ADGRB3: variants seen among roughly 807,000 people sequenced by gnomAD.
ADGRB3 encodes brain-specific angiogenesis inhibitor 3.
ADGRB3 carries 37 observed loss-of-function variants against 193.4 expected under a neutral mutation model. That is an observed-to-expected ratio of 0.19 (90% CI 0.15 to 0.25). ADGRB3 has a LOEUF of 0.25. ADGRB3 is among the 10% of genes least tolerant of loss of function. ADGRB3 has a pLI of 1.00. For synonymous variants in ADGRB3, 690 were observed against 644.2 expected (o/e 1.07, Z -1.08); for missense variants, 1,637 against 1,852.9 (o/e 0.88, Z 2.14).
At chr6:69,045,567 C>T (rs568853497) in intron 13 of ADGRB3, among the ~76,000 whole-genome samples, 12 of 152,050 alleles carry the variant, frequency 7.9e-5, no homozygotes, top group African/African-American at 2.6e-4. Context: ...GCTATTAGCT[C>T]AAATTAGCTA....
At chr6:69,288,938 C>T (rs1767609073) in intron 20 of ADGRB3, among the ~76,000 whole-genome samples, 1 of 152,130 alleles carries the variant, frequency 6.6e-6, no homozygotes, top group South Asian at 2.1e-4. Flanking sequence ...CTTCCTTTCC[C>T]ATGACATTCC....
chr6:69,120,284 G>A (rs1773647544), intron 17 of ADGRB3, among the ~76,000 whole-genome samples: 1 of 152,212 alleles, frequency 6.6e-6, no homozygotes, highest in East Asian at 1.9e-4. Flanking sequence ...CTGGCAACTT[G>A]TTAGAAATGC....
chr6:68,673,187 TA>T lies in ADGRB3; in HGVS notation c.757+33757del, dbSNP rs1389835858. Among the ~76,000 whole-genome samples the T allele has an allele frequency of 2.0e-5, 3 of 152,128 alleles. No individual in the cohort carries two copies. In the East Asian group the frequency reaches 5.8e-4, roughly 29 times the overall value. On this transcript the variant is annotated intron_variant, in intron 3 of 31. Coordinates refer to ENST00000370598, the MANE Select transcript of ADGRB3 (RefSeq NM_001704.3). ...GAATGGGTATAAAAATAACTGAAAA[TA>T]AGTAGAGATTCTTATCCTTGGTAGA...
At chr6:68,716,464 A>G (rs1765491451) in intron 3 of ADGRB3, among the ~76,000 whole-genome samples, 1 of 150,504 alleles carries the variant, frequency 6.6e-6, no homozygotes, top group Non-Finnish European at 1.5e-5. Context: ...TGTAATATAG[A>G]CTGTATTTTC....
chr6:69,137,070 T>C (rs1774172248), intron 17 of ADGRB3, among the ~76,000 whole-genome samples: 1 of 68,564 alleles, frequency 1.5e-5, no homozygotes, highest in African/African-American at 3.5e-5. Flanking sequence ...TTTTTTTTTT[T>C]TTTTTTAATG....
intron 17 of ADGRB3, among the ~76,000 whole-genome samples, chr6:69,115,324 T>C (rs35740189): frequency 0.029 from 4,358 of 152,144 alleles, 67 homozygotes; most frequent in Non-Finnish European, 0.032. Context: ...AAACCATCAT[T>C]CTCAGCAAAC....
chr6:69,211,071 G>A (rs1765653934), intron 17 of ADGRB3, among the ~76,000 whole-genome samples: 1 of 152,164 alleles, frequency 6.6e-6, no homozygotes, highest in Non-Finnish European at 1.5e-5. Context: ...GCAGTGAGCT[G>A]AGATCACGCC....
chr6:69,335,854 C>A (rs1019295168), intron 24 of ADGRB3, among the ~76,000 whole-genome samples: 5 of 152,020 alleles, frequency 3.3e-5, no homozygotes, highest in Non-Finnish European at 7.4e-5. Context: ...GATGTTCCTT[C>A]TCCCATTTTT....
chr6:69,373,601 A>T (rs1769751058), intron 30 of ADGRB3, among the ~76,000 whole-genome samples: 1 of 152,128 alleles, frequency 6.6e-6, no homozygotes, highest in Non-Finnish European at 1.5e-5. Flanking sequence ...GCATAAAAGT[A>T]TCAAGAATAT....
chr6:68,971,487 A>G (rs1768566588), intron 8 of ADGRB3, among the ~76,000 whole-genome samples: 3 of 152,218 alleles, frequency 2.0e-5, no homozygotes, highest in Non-Finnish European at 4.4e-5. Flanking sequence ...AAAAAAATCC[A>G]CATATAAGTG....
intron 5 of ADGRB3, among the ~76,000 whole-genome samples, chr6:68,942,089 T>C (rs1340229152): frequency 2.0e-5 from 3 of 151,976 alleles, no homozygotes; most frequent in Non-Finnish European, 4.4e-5. Flanking sequence ...GAGATTTACA[T>C]TGAATATTTC....
intron 8 of ADGRB3, among the ~76,000 whole-genome samples, chr6:68,961,820 C>T (rs180854001): frequency 1.5e-4 from 23 of 152,250 alleles, no homozygotes; most frequent in Admixed American, 1.5e-3. Flanking sequence ...TTTAAAGCTC[C>T]TATTTCATTG....
chr6:68,708,557 A>G (rs1285715681), intron 3 of ADGRB3, among the ~76,000 whole-genome samples: 1 of 152,236 alleles, frequency 6.6e-6, no homozygotes, highest in Non-Finnish European at 1.5e-5. Flanking sequence ...TAAAATTAAC[A>G]GAAGTTTGAA....
intron 3 of ADGRB3, among the ~76,000 whole-genome samples, chr6:68,891,212 C>A (rs6906092): frequency 0.79 from 119,912 of 151,996 alleles, 47,871 homozygotes; most frequent in Middle Eastern, 0.85. Flanking sequence ...CACGGGAAAG[C>A]CCAGTCTCCA....
At chr6:69,268,183 A>C (rs953034729) in intron 20 of ADGRB3, among the ~76,000 whole-genome samples, 4 of 152,164 alleles carry the variant, frequency 2.6e-5, no homozygotes, top group African/African-American at 9.6e-5. Context: ...TAATTACAGA[A>C]ATTTGTCATA....
intron 17 of ADGRB3, among the ~76,000 whole-genome samples, chr6:69,210,979 A>T (rs943612262): frequency 3.3e-5 from 5 of 151,686 alleles, no homozygotes; most frequent in African/African-American, 1.2e-4. Flanking sequence ...AAAATTAACC[A>T]GGCGTGGTGG....
In ADGRB3 at chr6:69,239,200, G is replaced by A. The variant is rs769977974; in HGVS notation, c.2788G>A (p.Val930Ile). The A allele has an allele frequency of 7.4e-5, 118 of 1,589,286 alleles. No homozygotes were observed. The highest frequency in any genetic ancestry group is 6.6e-5 in the Non-Finnish European group (76 of 1,158,728). The change falls in exon 20 of 32, where the codon GTT becomes ATT. Residue 930 changes from valine (V) to isoleucine (I), a missense_variant. This residue lies in a region of ADGRB3 where 87 missense variants were observed against 161.0 expected (regional missense o/e 0.54). Transcript: ENST00000370598. ...CATCTCATCCAATATCCTCATACTG[G>A]TTGGACAGACTCAGACACATAATAA... ...SIISSNILIL[V>I]GQTQTHNKSI...
chr6:68,810,444 G>C (rs1281758560), intron 3 of ADGRB3, among the ~76,000 whole-genome samples: 1 of 152,184 alleles, frequency 6.6e-6, no homozygotes. Context: ...ATATGGTTCA[G>C]TCGTTGTTGA....
At chr6:68,746,670 C>A (rs1766091950) in intron 3 of ADGRB3, among the ~76,000 whole-genome samples, 1 of 151,920 alleles carries the variant, frequency 6.6e-6, no homozygotes, top group African/African-American at 2.4e-5. Flanking sequence ...TATCCTTGAG[C>A]TTTCCCTCTT....
Sources: allele counts gnomAD v4.1 joint callset (sites outside exome capture counted in the v4.1 genomes callset), GRCh38; gene constraint gnomAD v4.1.1; regional missense constraint gnomAD v4.1.1; transcripts MANE v1.5; gene names NCBI Gene and HGNC (gene_info 2026-07-23, HGNC 2026-07-21).